CSMD1: variants seen among roughly 807,000 people sequenced by gnomAD.
CSMD1 encodes the protein CUB and sushi domain-containing protein 1.
In CSMD1, 213 loss-of-function variants were observed where a neutral mutation model predicts 417.5. That is an observed-to-expected ratio of 0.51 (90% CI 0.46 to 0.57). The LOEUF is 0.57. Among genes scored for constraint, CSMD1 ranks in the 20% least tolerant of loss-of-function variants. CSMD1 has a pLI of 0.00. For synonymous variants in CSMD1, 2,862 were observed against 1,736.8 expected (o/e 1.65, Z -16.11); for missense variants, 6,923 against 4,529.7 (o/e 1.53, Z -15.17).
At chr8:4,210,408 C>T (rs541364704) in intron 3 of CSMD1, among the ~76,000 whole-genome samples, 4 of 152,232 alleles carry the variant, frequency 2.6e-5, no homozygotes, top group East Asian at 1.9e-4. Flanking sequence ...ATAGTGGAAA[C>T]TGGTGGGTTA....
chr8:3,488,736 G>C (rs1266500491), intron 11 of CSMD1, among the ~76,000 whole-genome samples: 2 of 152,122 alleles, frequency 1.3e-5, no homozygotes, highest in Non-Finnish European at 2.9e-5. Context: ...AGCTAACAAT[G>C]GATAGACTTC....
At chr8:4,284,668 C>T (rs1351287814) in intron 3 of CSMD1, among the ~76,000 whole-genome samples, 1 of 152,054 alleles carries the variant, frequency 6.6e-6, no homozygotes, top group Non-Finnish European at 1.5e-5. Context: ...GGAGGATCCC[C>T]ACAACACTCT....
chr8:4,573,220 G>C (rs1294646510), intron 2 of CSMD1, among the ~76,000 whole-genome samples: 1 of 152,150 alleles, frequency 6.6e-6, no homozygotes. Context: ...GGAATTTTCA[G>C]CATTTTTGTG....
At position 3,538,488 on chromosome 8, in the gene CSMD1, C is replaced by T. The variant is rs140387836; in HGVS notation, c.1344+36457G>A. ...CACCTAAGATGATACACCTGAGATGCCTCACCTGCGATGCCTCACCTGAGA... is the reference window on the plus strand; with the variant it reads ...CACCTAAGATGATACACCTGAGATGTCTCACCTGCGATGCCTCACCTGAGA... On this transcript the variant is annotated intron_variant, in intron 10 of 69. Coordinates refer to ENST00000635120, the MANE Select transcript of CSMD1 (RefSeq NM_033225.6). 2.3e-3 allele frequency among the ~76,000 whole-genome samples: 357 copies of T among 151,988 alleles called. 3 individuals carry two copies. Among genetic ancestry groups the T allele is most frequent in the East Asian group, 0.021 (107 of 5,144 alleles).
intron 3 of CSMD1, among the ~76,000 whole-genome samples, chr8:4,032,653 G>A (rs191878820): frequency 2.0e-5 from 3 of 152,302 alleles, no homozygotes; most frequent in East Asian, 3.9e-4. Flanking sequence ...ATCCATCAAT[G>A]TATAAAAAAA....
chr8:4,021,019 C>T (rs560295007), intron 4 of CSMD1, among the ~76,000 whole-genome samples: 2 of 152,068 alleles, frequency 1.3e-5, no homozygotes, highest in South Asian at 2.1e-4. Flanking sequence ...ATTTATTAAA[C>T]CCTACAACGT....
At chr8:3,983,685 G>A (rs922675001) in intron 5 of CSMD1, among the ~76,000 whole-genome samples, 2 of 152,212 alleles carry the variant, frequency 1.3e-5, no homozygotes, top group Non-Finnish European at 2.9e-5. Flanking sequence ...TTCAGGACAA[G>A]TTCTAATCCC....
At chr8:3,807,189 T>C (rs3109668) in intron 5 of CSMD1, among the ~76,000 whole-genome samples, 2 of 152,300 alleles carry the variant, frequency 1.3e-5, no homozygotes, top group Admixed American at 1.3e-4. Context: ...CCTTCTAAAA[T>C]GGAAATTTTC....
At position 3,513,633 on chromosome 8, in the gene CSMD1, C is replaced by A. The variant is rs532233245; in HGVS notation, c.1345-19907G>T. ...AAACATGGTAAGACTTACTGCTCTG[C>A]CACCATCATCTAAGACAGTCTACCA... On this transcript the variant is annotated intron_variant, in intron 10 of 69. Transcript: ENST00000635120. Among the ~76,000 whole-genome samples, 6 of 152,316 alleles carry A rather than the reference C, an allele frequency of 3.9e-5. No homozygotes were observed. The South Asian group carries it at 8.3e-4, about 21-fold the overall frequency.
intron 1 of CSMD1, among the ~76,000 whole-genome samples, chr8:4,680,428 C>T (rs1554442274): frequency 1.3e-5 from 2 of 152,158 alleles, no homozygotes; most frequent in African/African-American, 2.4e-5. Context: ...TTTGAAACTA[C>T]ATTGAGTGAC....
intron 3 of CSMD1, among the ~76,000 whole-genome samples, chr8:4,036,907 T>A (rs1211445064): frequency 6.6e-6 from 1 of 152,172 alleles, no homozygotes; most frequent in Non-Finnish European, 1.5e-5. Flanking sequence ...CATGTTTGCA[T>A]GTTAGGCTCA....
intron 3 of CSMD1, among the ~76,000 whole-genome samples, chr8:4,288,019 T>C (rs1230413788): frequency 6.6e-6 from 1 of 152,204 alleles, no homozygotes; most frequent in Non-Finnish European, 1.5e-5. Context: ...CTGCCTTTTT[T>C]AGCTGCAACC....
At chr8:4,121,638 G>C (rs559730357) in intron 3 of CSMD1, among the ~76,000 whole-genome samples, 166 of 148,174 alleles carry the variant, frequency 1.1e-3, no homozygotes, top group Middle Eastern at 3.7e-3. Context: ...AAAAAAAGAA[G>C]TGGGAATTCT....
At chr8:3,495,775 G>A (rs1394529366) in intron 10 of CSMD1, among the ~76,000 whole-genome samples, 1 of 152,182 alleles carries the variant, frequency 6.6e-6, no homozygotes, top group African/African-American at 2.4e-5. Flanking sequence ...CAAGTTGTGA[G>A]CAACTTTAAT....
chr8:4,407,999 G>C (rs1213276590), intron 3 of CSMD1, among the ~76,000 whole-genome samples: 4 of 152,068 alleles, frequency 2.6e-5, no homozygotes, highest in South Asian at 2.1e-4. Flanking sequence ...AAAACTGCAA[G>C]TCCCCACACA....
rs116263294 is a variant in CSMD1, at chr8:3,060,140, A to G, written c.7475-7493T>C. Among the ~76,000 whole-genome samples the G allele has an allele frequency of 9.4e-3, 1,399 of 149,554 alleles. 23 individuals are homozygous for G. The highest frequency in any genetic ancestry group is 0.032 in the African/African-American group (1,308 of 40,650). On this transcript the variant is annotated intron_variant, in intron 49 of 69. Coordinates refer to ENST00000635120, the MANE Select transcript of CSMD1 (RefSeq NM_033225.6). ...ACTATACATTGAGCCTGTCCTAAAA[A>G]TTACTAACAACTTTTTTTTTTTTTT...
intron 1 of CSMD1, among the ~76,000 whole-genome samples, chr8:4,938,814 C>G (rs1163668585): frequency 1.3e-5 from 2 of 152,096 alleles, no homozygotes; most frequent in Non-Finnish European, 2.9e-5. Context: ...ATATTTTTGG[C>G]AAAAGGTGCC....
chr8:4,847,305 A>G (rs1211541014), intron 1 of CSMD1, among the ~76,000 whole-genome samples: 1 of 152,248 alleles, frequency 6.6e-6, no homozygotes, highest in Non-Finnish European at 1.5e-5. Context: ...ATTGGCATAA[A>G]TAATTTCAGA....
In CSMD1 at chr8:3,612,888, G is replaced by A. The variant is rs116076084; in HGVS notation, c.1097+3822C>T. Among the ~76,000 whole-genome samples the A allele has an allele frequency of 6.5e-3, 984 of 151,998 alleles. 8 individuals carry two copies. Among genetic ancestry groups the A allele is most frequent in the African/African-American group, 0.023 (951 of 41,490 alleles). ...AGAGACTAGAAAAAGAAGAACAAATGGAGCCCATAGTAAACAGAGGAAATA... is the reference window on the plus strand; with the variant it reads ...AGAGACTAGAAAAAGAAGAACAAATAGAGCCCATAGTAAACAGAGGAAATA... On this transcript the variant is annotated intron_variant, in intron 8 of 69. Transcript: ENST00000635120.
Sources: gnomAD v4.1 joint callset for allele counts (sites outside exome capture counted in the v4.1 genomes callset) on GRCh38, gnomAD v4.1.1 for gene constraint, MANE v1.5 for transcripts, NCBI Gene and HGNC (gene_info 2026-07-23, HGNC 2026-07-21) for gene names.